HSD17B3: variants seen among roughly 807,000 people sequenced by gnomAD.
The protein encoded by HSD17B3 is 17-beta-hydroxysteroid dehydrogenase type 3.
HSD17B3 carries 29 observed loss-of-function variants against 41.1 expected under a neutral mutation model. The ratio of observed to expected loss-of-function variants is 0.71; its 90% CI spans 0.53 to 0.96. HSD17B3 has a LOEUF of 0.96. Ranked by LOEUF, HSD17B3 falls within the 40% of genes least tolerant of loss-of-function variation. The pLI is 0.00. For synonymous variants in HSD17B3, 126 were observed against 145.6 expected (o/e 0.87, Z 0.97); for missense variants, 323 against 374.6 (o/e 0.86, Z 1.14).
At chr9:96,273,339 G>A (rs1368591310) in intron 2 of HSD17B3, among the ~76,000 whole-genome samples, 1 of 152,158 alleles carries the variant, frequency 6.6e-6, no homozygotes, top group African/African-American at 2.4e-5. Context: ...CAATTCAGTG[G>A]AGCACAAAAA....
chr9:96,257,943 G>A (rs957608708), intron 2 of HSD17B3, among the ~76,000 whole-genome samples: 2 of 152,030 alleles, frequency 1.3e-5, no homozygotes, highest in African/African-American at 2.4e-5. Flanking sequence ...GGATTACAGG[G>A]GTGAGCCACC....
At chr9:96,263,257 G>A (rs546984643) in intron 2 of HSD17B3, among the ~76,000 whole-genome samples, 1 of 152,124 alleles carries the variant, frequency 6.6e-6, no homozygotes, top group South Asian at 2.1e-4. Context: ...TCTTTCTCAG[G>A]TTCATGGTCA....
Position 96,277,798 on chromosome 9 carries a change from C to A in HSD17B3, c.201+20618G>T, listed in dbSNP as rs531273723. ...CACAATAGCCAAGATATGGAAGTAA[C>A]CCCAATATCCATTAACAGATGAATA... On this transcript the variant is annotated intron_variant, in intron 2 of 10. Coordinates refer to ENST00000375263, the MANE Select transcript of HSD17B3 (RefSeq NM_000197.2). 3.7e-3 allele frequency among the ~76,000 whole-genome samples: 545 copies of A among 148,958 alleles called. 9 individuals carry two copies. Among genetic ancestry groups the A allele is most frequent in the African/African-American group, 0.013 (507 of 39,930 alleles).
At position 96,249,670 on chromosome 9, in the gene HSD17B3, T is replaced by C. The variant is rs1447930892; in HGVS notation, c.489+81A>G. 137 of 1,253,554 alleles carry C rather than the reference T, an allele frequency of 1.1e-4. 1 individual carries two copies. The East Asian group carries it at 3.1e-3, about 28-fold the overall frequency. 77.7% of individuals were successfully genotyped at this position (1,253,554 alleles called of 1,614,324 possible). On this transcript the variant is annotated intron_variant, in intron 6 of 10. Transcript: ENST00000375263. ...ATTTCAAAGAATCCTGCTTCTACAG[T>C]GGATGGGCACAATTCTCCTGAGTTG...
intron 6 of HSD17B3, chr9:96,249,487 T>C (rs2130723256): frequency 2.0e-6 from 1 of 506,270 alleles, no homozygotes; most frequent in South Asian, 3.0e-5. Context: ...CGTTTCAGCA[T>C]CATCGAGCTT....
At chr9:96,260,103 C>T (rs1462430519) in intron 2 of HSD17B3, among the ~76,000 whole-genome samples, 1 of 152,198 alleles carries the variant, frequency 6.6e-6, no homozygotes, top group African/African-American at 2.4e-5. Flanking sequence ...TTTCCTGTCA[C>T]TTCTGGTAGA....
intron 10 of HSD17B3, among the ~76,000 whole-genome samples, chr9:96,239,004 A>T (rs1458403006): frequency 6.6e-6 from 1 of 152,220 alleles, no homozygotes; most frequent in Non-Finnish European, 1.5e-5. Flanking sequence ...ATGTGGATCA[A>T]AGCTGCAGAT....
At chr9:96,291,015 G>A (rs534870098) in intron 2 of HSD17B3, among the ~76,000 whole-genome samples, 8 of 152,134 alleles carry the variant, frequency 5.3e-5, no homozygotes, top group South Asian at 2.1e-4. Flanking sequence ...AAGGCTGGGT[G>A]GGGAGCTGGG....
chr9:96,243,832 A>G (rs954576714), intron 9 of HSD17B3, among the ~76,000 whole-genome samples: 8 of 152,106 alleles, frequency 5.3e-5, no homozygotes, highest in African/African-American at 1.9e-4. Flanking sequence ...CGAGAACCAG[A>G]GTGTGGGGAC....
chr9:96,246,679 G>A, intron 6 of HSD17B3, 89 bp from the exon 7 acceptor site: 1 of 1,170,662 alleles, frequency 8.5e-7, no homozygotes, highest in Non-Finnish European at 1.3e-6. Flanking sequence ...AGCGCGGGAG[G>A]AAGCTGGGAA....
At chr9:96,239,387 A>T (rs1836345864) in intron 10 of HSD17B3, 1 of 152,248 alleles carries the variant, frequency 6.6e-6, no homozygotes, top group Non-Finnish European at 1.5e-5. Flanking sequence ...TGGACATTCG[A>T]TGAATTTTCC....
intron 7 of HSD17B3, 128 bp downstream of exon 7, chr9:96,246,428 C>T (rs1267330093): frequency 3.6e-6 from 3 of 834,146 alleles, no homozygotes; most frequent in African/African-American, 1.7e-5. Context: ...TCACCGTGTG[C>T]TTTCATCATA....
intron 2 of HSD17B3, among the ~76,000 whole-genome samples, chr9:96,293,598 C>A (rs141589551): frequency 4.1e-4 from 63 of 151,874 alleles, no homozygotes; most frequent in African/African-American, 1.4e-3. Flanking sequence ...CACTCTCTTT[C>A]TCTCCCTTCC....
intron 2 of HSD17B3, among the ~76,000 whole-genome samples, chr9:96,285,484 T>A (rs1826882347): frequency 6.6e-6 from 1 of 152,204 alleles, no homozygotes; most frequent in Admixed American, 6.5e-5. Context: ...TGGAATCAGC[T>A]AGCAACCCCG....
chr9:96,296,968 A>G (rs1357824412), intron 2 of HSD17B3, among the ~76,000 whole-genome samples: 1 of 152,008 alleles, frequency 6.6e-6, no homozygotes, highest in Non-Finnish European at 1.5e-5. Flanking sequence ...CCAGGAGGTC[A>G]AGGCTGCAGT....
intron 2 of HSD17B3, among the ~76,000 whole-genome samples, chr9:96,290,421 G>A (rs1026295188): frequency 2.0e-5 from 3 of 146,828 alleles, no homozygotes; most frequent in East Asian, 2.0e-4. Flanking sequence ...TAGGGGCCTC[G>A]GAACCTGAGG....
At chr9:96,276,790 G>A (rs1302618115) in intron 2 of HSD17B3, among the ~76,000 whole-genome samples, 4 of 152,172 alleles carry the variant, frequency 2.6e-5, no homozygotes, top group Admixed American at 2.6e-4. Flanking sequence ...AACCTCTAAA[G>A]CCATAAGATT....
intron 2 of HSD17B3, among the ~76,000 whole-genome samples, chr9:96,275,974 C>T (rs141995207): frequency 5.5e-4 from 83 of 151,742 alleles, no homozygotes; most frequent in African/African-American, 1.9e-3. Flanking sequence ...ACTTAAAAAA[C>T]AAGATCCAGT....
chr9:96,266,068 T>C (rs1826034260), intron 2 of HSD17B3, among the ~76,000 whole-genome samples: 1 of 152,082 alleles, frequency 6.6e-6, no homozygotes, highest in Admixed American at 6.5e-5. Context: ...CAGCACACAA[T>C]ATGAGGAATT....
Sources: gnomAD v4.1 joint callset for allele counts (sites outside exome capture counted in the v4.1 genomes callset) on GRCh38, gnomAD v4.1.1 for gene constraint, MANE v1.5 for transcripts, NCBI Gene and HGNC (gene_info 2026-07-23, HGNC 2026-07-21) for gene names.